FAT4: variants seen among roughly 807,000 people sequenced by gnomAD.
The protein encoded by FAT4 is protocadherin Fat 4.
FAT4 carries 84 observed loss-of-function variants against 303.9 expected under a neutral mutation model. The ratio of observed to expected loss-of-function variants is 0.28; its 90% CI spans 0.23 to 0.33. The LOEUF (loss-of-function observed/expected upper bound fraction) is 0.33, where lower values mean the gene tolerates loss of function less well. Among genes scored for constraint, FAT4 ranks in the 10% least tolerant of loss-of-function variants. The pLI, the probability that FAT4 is intolerant of heterozygous loss-of-function variation, is 1.00. For synonymous variants in FAT4, 2,307 were observed against 2,298.8 expected, an observed-to-expected ratio of 1.00 and a Z score of -0.10; for missense variants, 6,005 against 6,146.8, an observed-to-expected ratio of 0.98 and a Z score of 0.77.
chr4:125,356,619 A>G (rs1732437900), intron 2 of FAT4, among the ~76,000 whole-genome samples: 1 of 146,104 alleles, frequency 6.8e-6, no homozygotes, highest in Non-Finnish European at 1.5e-5. Context: ...CCCATATATG[A>G]GTTATTTTAA....
rs947857952 is a variant in FAT4 at position 125,407,250 on chromosome 4, A to G, written c.5569+109A>G. 13 of 928,826 alleles carry G rather than the reference A, an allele frequency of 1.4e-5. No individual in the cohort carries two copies. In the African/African-American group the frequency reaches 2.0e-4, roughly 14 times the overall value. The allele number at this position is 928,826 out of a possible 1,614,324, so 57.5% of individuals were successfully genotyped here. On this transcript the variant is annotated intron_variant, in intron 4 of 17. Transcript: ENST00000394329. The stretch of plus-strand genomic sequence containing the variant: ...AATGATTAGTTTTTAATCATATACT[A>G]CTAGTTATAAAAATATATATGCTGG...
intron 16 of FAT4, among the ~76,000 whole-genome samples, chr4:125,486,483 T>G (rs1046228794): frequency 6.6e-6 from 1 of 152,194 alleles, no homozygotes; most frequent in African/African-American, 2.4e-5. Context: ...TTCCCGTTAT[T>G]TGAGGAACAG....
chr4:125,446,172 T>C (rs893855610), intron 8 of FAT4, 121 bp from the exon 9 acceptor site: 11 of 805,644 alleles, frequency 1.4e-5, no homozygotes, highest in Admixed American at 1.1e-4. Context: ...TTTCCAACAT[T>C]GTTGTATGAT....
chr4:125,400,783 T>A (rs1352347337), intron 3 of FAT4, among the ~76,000 whole-genome samples: 1 of 151,916 alleles, frequency 6.6e-6, no homozygotes, highest in Admixed American at 6.6e-5. Flanking sequence ...AAATACAGAA[T>A]GTAAAGTGAT....
intron 2 of FAT4, among the ~76,000 whole-genome samples, chr4:125,356,359 T>A (rs1237803124): frequency 6.6e-6 from 1 of 152,080 alleles, no homozygotes. Flanking sequence ...ATTTATTGCA[T>A]GTGTGGTCAA....
rs370704263 is a variant in FAT4 at position 125,490,743 on chromosome 4, C to G, written c.13927C>G (p.Gln4643Glu). ...TGCAGACATCATTCAACACTACAAG[C>G]AGTTCCGCAGCCACACACCAAAATT... ...SDADIIQHYKQFRSHTPKFSI... is the reference protein window; with the variant it reads ...SDADIIQHYKEFRSHTPKFSI... Residue 4643 changes from glutamine to glutamate, a missense_variant, in exon 18 of 18, where the codon CAG (glutamine) becomes GAG (glutamate). Physicochemically the swap from Gln to Glu is conservative, Grantham distance 29. Coordinates refer to ENST00000394329, the MANE Select transcript of FAT4 (RefSeq NM_001291303.3). 6.0e-5 allele frequency: 97 copies of G among 1,614,000 alleles called. No homozygotes were observed. The highest frequency in any genetic ancestry group is 7.9e-5 in the Non-Finnish European group (93 of 1,180,048).
chr4:125,451,242 A>G lies in FAT4; in HGVS notation c.10232A>G (p.Tyr3411Cys). Reference protein sequence around the residue: ...NDPPIFTLNIYSVQISEGVPI... With the variant: ...NDPPIFTLNICSVQISEGVPI... ...CCACCCATTTTTACTCTAAACATCTACAGTGTGCAGATCAGTGAAGGGGTC... is the reference window on the plus strand; with the variant it reads ...CCACCCATTTTTACTCTAAACATCTGCAGTGTGCAGATCAGTGAAGGGGTC... Residue 3411 changes from tyrosine to cysteine, a missense_variant, in exon 10 of 18, where the codon TAC becomes TGC. Tyr to Cys is a radical substitution (Grantham distance 194). Transcript: ENST00000394329. 6.2e-7 allele frequency: 1 copy of G among 1,614,134 alleles called. No individual in the cohort carries two copies. The highest frequency in any genetic ancestry group is 8.5e-7 in the Non-Finnish European group (1 of 1,180,024).
intron 2 of FAT4, among the ~76,000 whole-genome samples, chr4:125,362,206 G>A (rs577077947): frequency 1.5e-4 from 23 of 152,094 alleles, no homozygotes; most frequent in East Asian, 3.9e-4. Context: ...GATTAAAAGC[G>A]TATGTGTGTG....
At chr4:125,468,054 C>T (rs1726727300) in intron 11 of FAT4, among the ~76,000 whole-genome samples, 1 of 152,046 alleles carries the variant, frequency 6.6e-6, no homozygotes, top group African/African-American at 2.4e-5. Context: ...ATCCCAGCTT[C>T]TCGGGAAGCT....
At chr4:125,439,629 G>A (rs1578644623) in intron 8 of FAT4, among the ~76,000 whole-genome samples, 1 of 151,912 alleles carries the variant, frequency 6.6e-6, no homozygotes, top group African/African-American at 2.4e-5. Context: ...GTGAGCCACC[G>A]CGCCCCGGCC....
Position 125,477,145 on chromosome 4 carries a change from A to G in FAT4, c.12300-10A>G, listed in dbSNP as rs779397693. On this transcript the variant is annotated splice_polypyrimidine_tract_variant and intron_variant, in intron 13 of 17. Transcript: ENST00000394329. ...GACACTAATATTTATATCTTCCATT[A>G]TTTATTTAGGACTCTTGATGTTCAG... is the stretch of plus-strand genomic sequence containing the variant. 4 of 1,339,856 alleles carry G rather than the reference A, an allele frequency of 3.0e-6. No homozygotes were observed. The highest frequency in any genetic ancestry group is 3.0e-5 in the African/African-American group (2 of 66,214). 83.0% of individuals were successfully genotyped at this position (1,339,856 alleles called of 1,614,324 possible). A position where few individuals can be genotyped will look rare whatever the true frequency, so the allele number is the denominator to read the frequency against.
At chr4:125,340,855 G>C (rs1164310967) in intron 2 of FAT4, among the ~76,000 whole-genome samples, 7 of 151,972 alleles carry the variant, frequency 4.6e-5, no homozygotes, top group Admixed American at 3.3e-4. Context: ...TTTCTAATGT[G>C]GTTGCTACTC....
In FAT4 at chr4:125,448,621, A is replaced by C. The variant is rs1725914018; in HGVS notation, c.7611A>C (p.Thr2537=). The C allele has an allele frequency of 7.4e-6, 12 of 1,613,888 alleles. No individual in the cohort carries two copies. The highest frequency in any genetic ancestry group is 1.0e-5 in the Non-Finnish European group (12 of 1,179,888). The part of the protein sequence containing the change: ...AGPLNGASEV[T]FSVHVKDGGS... ...CACTAAACGGAGCTTCAGAAGTGAC[A>C]TTTTCTGTGCATGTAAAAGATGGTG... is the stretch of plus-strand genomic sequence containing the variant. The change falls in exon 10 of 18, where the codon ACA becomes ACC. Residue 2537 remains threonine (T), a synonymous_variant. Coordinates refer to ENST00000394329, the MANE Select transcript of FAT4 (RefSeq NM_001291303.3).
At chr4:125,339,519 A>T (rs1578537563) in intron 2 of FAT4, among the ~76,000 whole-genome samples, 1 of 152,174 alleles carries the variant, frequency 6.6e-6, no homozygotes, top group Non-Finnish European at 1.5e-5. Flanking sequence ...CTATGGTAAT[A>T]GTTATTAAAC....
At chr4:125,380,163 G>A (rs1233947132) in intron 2 of FAT4, among the ~76,000 whole-genome samples, 1 of 152,142 alleles carries the variant, frequency 6.6e-6, no homozygotes, top group Non-Finnish European at 1.5e-5. Context: ...AAAGTGCTGG[G>A]ATTACAGGCG....
intron 8 of FAT4, among the ~76,000 whole-genome samples, chr4:125,437,070 G>C (rs1725478698): frequency 6.6e-6 from 1 of 151,950 alleles, no homozygotes. Context: ...GGCCACACTG[G>C]TCTCCAACTC....
chr4:125,361,844 C>T (rs1318203080), intron 2 of FAT4, among the ~76,000 whole-genome samples: 1 of 152,064 alleles, frequency 6.6e-6, no homozygotes, highest in East Asian at 1.9e-4. Context: ...ATGTGCAAAT[C>T]CCAGCCTCAC....
chr4:125,483,626 AT>A (rs1243561100), intron 16 of FAT4, among the ~76,000 whole-genome samples: 1 of 152,234 alleles, frequency 6.6e-6, no homozygotes, highest in Middle Eastern at 3.4e-3. Flanking sequence ...CAATAACTTA[AT>A]TTTTTTCCTG....
intron 2 of FAT4, among the ~76,000 whole-genome samples, chr4:125,381,828 C>T (rs944807051): frequency 2.0e-5 from 3 of 152,116 alleles, no homozygotes; most frequent in Non-Finnish European, 2.9e-5. Context: ...CCTCTCAAAC[C>T]CTGCCACTCT....
Sources: allele counts gnomAD v4.1 joint callset (sites outside exome capture counted in the v4.1 genomes callset), GRCh38; gene constraint gnomAD v4.1.1; transcripts MANE v1.5; gene names NCBI Gene and HGNC (gene_info 2026-07-23, HGNC 2026-07-21).